SH3D19: variants seen among roughly 807,000 people sequenced by gnomAD.
The protein encoded by SH3D19 is SH3 domain-containing protein 19.
Under a neutral mutation model 112.1 loss-of-function variants are expected in SH3D19, and 58 were observed. That is an observed-to-expected ratio of 0.52 (90% confidence interval 0.42 to 0.64). The LOEUF is 0.64. SH3D19 is among the 30% of genes least tolerant of loss of function. The pLI is 0.00. For synonymous variants in SH3D19, 391 were observed against 448.5 expected, an observed-to-expected ratio of 0.87 and a Z score of 1.62; for missense variants, 1,090 against 1,263.4, an observed-to-expected ratio of 0.86 and a Z score of 2.08.
chr4:151,138,684 TCTCACACACA>T (rs55884796), intron 13 of SH3D19, among the ~76,000 whole-genome samples: 13,357 of 135,780 alleles, frequency 0.098, 821 homozygotes, highest in Non-Finnish European at 0.1. Flanking sequence ...CAAGATCTTG[TCTCACACACA>T]CACACACACA....
At chr4:151,287,812 CG>C (rs1774959779) in intron 1 of SH3D19, among the ~76,000 whole-genome samples, 1 of 152,050 alleles carries the variant, frequency 6.6e-6, no homozygotes, top group South Asian at 2.1e-4. Context: ...ACCGGGAGGT[CG>C]AGGCCACAGT....
rs779455437 is a variant in SH3D19, at chr4:151,291,345, T to C, written c.112+33896A>G. ...CTCTGGCTCTCCTGCGTCCCTCCTG[T>C]GCCTTTGGACCTAACACTATACACA... On this transcript the variant is annotated intron_variant, in intron 1 of 19. Coordinates refer to ENST00000604030, the MANE Select transcript of SH3D19 (RefSeq NM_001378122.1). The C allele has an allele frequency of 6.2e-6, 10 of 1,613,900 alleles. No homozygotes were observed. The African/African-American group carries it at 1.3e-4, about 22-fold the overall frequency.
intron 1 of SH3D19, chr4:151,283,104 T>C (rs543246072): frequency 1.2e-6 from 2 of 1,612,696 alleles, no homozygotes; most frequent in African/African-American, 2.7e-5. Context: ...TTTGTTCCTG[T>C]CTTCCTCCAC....
chr4:151,306,940 C>T (rs550261910), intron 1 of SH3D19, among the ~76,000 whole-genome samples: 3 of 152,236 alleles, frequency 2.0e-5, no homozygotes, highest in South Asian at 2.1e-4. Flanking sequence ...TCCACTCTCC[C>T]GCATCATTCC....
chr4:151,324,871 C>G (rs1321802156), intron 1 of SH3D19, among the ~76,000 whole-genome samples: 2 of 152,022 alleles, frequency 1.3e-5, no homozygotes, highest in Non-Finnish European at 2.9e-5. Flanking sequence ...GCTGCGGCGG[C>G]GCAGGCAAAC....
In SH3D19 at chr4:151,282,212, C is replaced by T. The variant is rs778594353; in HGVS notation, c.112+43029G>A. On this transcript the variant is annotated intron_variant, in intron 1 of 19. Transcript: ENST00000604030. ...GATTACAGTAGGTGACTCAAGGAAA[C>T]GTGTGAAGTACTACGTGTCCAAAAT... 5.0e-6 allele frequency: 8 copies of T among 1,613,708 alleles called. No individual in the cohort carries two copies. In the African/African-American group the frequency reaches 5.3e-5, roughly 11 times the overall value.
intron 2 of SH3D19, among the ~76,000 whole-genome samples, chr4:151,224,116 T>C (rs1415255493): frequency 6.6e-6 from 1 of 152,298 alleles, no homozygotes; most frequent in Non-Finnish European, 1.5e-5. Context: ...GAGACCACCC[T>C]GGCTAACATG....
chr4:151,199,204 A>G (rs1764027334), intron 2 of SH3D19, among the ~76,000 whole-genome samples: 1 of 152,162 alleles, frequency 6.6e-6, no homozygotes, highest in South Asian at 2.1e-4. Context: ...TTAGGATATT[A>G]TTAATATATT....
intron 12 of SH3D19, among the ~76,000 whole-genome samples, chr4:151,141,983 G>C (rs573509654): frequency 6.6e-6 from 1 of 152,306 alleles, no homozygotes; most frequent in African/African-American, 2.4e-5. Flanking sequence ...AGCAGGTGAA[G>C]GGCAAGAGGA....
At chr4:151,138,729 CACACAA>C (rs1424867620) in intron 13 of SH3D19, among the ~76,000 whole-genome samples, 2 of 145,858 alleles carry the variant, frequency 1.4e-5, no homozygotes, top group Non-Finnish European at 3.0e-5. Context: ...CACACACACA[CACACAA>C]ATTACTTTGA....
At chr4:151,246,154 A>G (rs900598776) in intron 1 of SH3D19, among the ~76,000 whole-genome samples, 3 of 152,188 alleles carry the variant, frequency 2.0e-5, no homozygotes, top group African/African-American at 7.2e-5. Context: ...TTAAATAGCT[A>G]AAGTTACAAA....
chr4:151,315,166 T>C (rs549433862), intron 1 of SH3D19, among the ~76,000 whole-genome samples: 58 of 152,258 alleles, frequency 3.8e-4, no homozygotes, highest in Non-Finnish European at 4.0e-4. Context: ...TTGAGGAGAT[T>C]ATTCACCCTT....
chr4:151,296,722 AT>A (rs1372081667), intron 1 of SH3D19, among the ~76,000 whole-genome samples: 1 of 152,190 alleles, frequency 6.6e-6, no homozygotes, highest in Admixed American at 6.5e-5. Flanking sequence ...CATTTCACAC[AT>A]CTTGAGAAAT....
chr4:151,300,705 A>T (rs1486098934), intron 1 of SH3D19: 2 of 147,630 alleles, frequency 1.4e-5, no homozygotes, highest in African/African-American at 4.9e-5. Flanking sequence ...TCAGGGAAAT[A>T]ACATGATCAG....
intron 8 of SH3D19, among the ~76,000 whole-genome samples, chr4:151,163,360 A>C (rs1259739324): frequency 6.6e-6 from 1 of 152,176 alleles, no homozygotes; most frequent in African/African-American, 2.4e-5. Context: ...CAGATGAATA[A>C]ATTTAAAAAT....
intron 1 of SH3D19, chr4:151,291,495 C>T: frequency 1.5e-6 from 2 of 1,346,500 alleles, no homozygotes; most frequent in South Asian, 2.8e-5. Context: ...ACTTTATTTA[C>T]AATTTGAAAT....
intron 19 of SH3D19, among the ~76,000 whole-genome samples, chr4:151,124,544 C>G (rs915764536): frequency 2.0e-5 from 3 of 151,976 alleles, no homozygotes; most frequent in African/African-American, 7.2e-5. Flanking sequence ...ACAGTGAAAC[C>G]CTGTCTCTAC....
intron 2 of SH3D19, among the ~76,000 whole-genome samples, chr4:151,216,539 C>T (rs1175564011): frequency 1.3e-5 from 2 of 151,976 alleles, no homozygotes; most frequent in Non-Finnish European, 2.9e-5. Context: ...TAAAATATAA[C>T]CCAAGGGAAA....
chr4:151,126,534 G>A (rs1749367093), intron 19 of SH3D19, among the ~76,000 whole-genome samples: 1 of 151,958 alleles, frequency 6.6e-6, no homozygotes, highest in Non-Finnish European at 1.5e-5. Flanking sequence ...GGTGGCTCAC[G>A]CCTGTAATCC....
Sources: gnomAD v4.1 joint callset for allele counts (sites outside exome capture counted in the v4.1 genomes callset) on GRCh38, gnomAD v4.1.1 for gene constraint, MANE v1.5 for transcripts, NCBI Gene and HGNC (gene_info 2026-07-23, HGNC 2026-07-21) for gene names.